RBMS3: variants seen among roughly 807,000 people sequenced by gnomAD.
RBMS3 encodes RNA-binding motif, single-stranded-interacting protein 3.
In RBMS3, 27 loss-of-function variants were observed where a neutral mutation model predicts 66.8. The observed-to-expected ratio is 0.40, with a 90% confidence interval of 0.30 to 0.56. The LOEUF (loss-of-function observed/expected upper bound fraction) is 0.56. Among genes scored for constraint, RBMS3 ranks in the 20% least tolerant of loss-of-function variants. RBMS3 has a pLI of 0.40. For missense variants in RBMS3, 513 were observed against 549.5 expected (o/e 0.93, Z 0.66); for synonymous variants, 188 against 183.0 (o/e 1.03, Z -0.22).
At chr3:30,000,684 A>G (rs1346976107) in intron 14 of RBMS3, among the ~76,000 whole-genome samples, 3 of 152,212 alleles carry the variant, frequency 2.0e-5, no homozygotes, top group Non-Finnish European at 4.4e-5. Flanking sequence ...TGTGGCATAT[A>G]TACACCATGG....
intron 3 of RBMS3, among the ~76,000 whole-genome samples, chr3:29,534,582 T>C (rs1222320218): frequency 3.1e-4 from 47 of 152,222 alleles, no homozygotes; most frequent in Admixed American, 3.1e-3. Context: ...CTTTACACCT[T>C]GAGTTAGCAT....
intron 1 of RBMS3, among the ~76,000 whole-genome samples, chr3:29,331,030 G>A (rs1017065568): frequency 1.3e-5 from 2 of 152,050 alleles, no homozygotes; most frequent in Non-Finnish European, 2.9e-5. Context: ...ATTTGTGCTG[G>A]TGCTGGGACA....
At chr3:29,957,508 G>C (rs1193759318) in intron 12 of RBMS3, among the ~76,000 whole-genome samples, 1 of 152,144 alleles carries the variant, frequency 6.6e-6, no homozygotes, top group Admixed American at 6.6e-5. Flanking sequence ...TTCTGAAGGG[G>C]ATAGGAAAGA....
chr3:29,571,860 G>A (rs2046963957), intron 3 of RBMS3, among the ~76,000 whole-genome samples: 1 of 151,994 alleles, frequency 6.6e-6, no homozygotes, highest in African/African-American at 2.4e-5. Flanking sequence ...AGATTGTTTT[G>A]GATAGTATGC....
intron 1 of RBMS3, among the ~76,000 whole-genome samples, chr3:29,368,820 G>A (rs1184334087): frequency 6.6e-6 from 1 of 152,108 alleles, no homozygotes; most frequent in Non-Finnish European, 1.5e-5. Context: ...TCCCATTACT[G>A]AGTATATACC....
At chr3:29,647,044 C>A (rs2049949533) in intron 4 of RBMS3, among the ~76,000 whole-genome samples, 1 of 152,128 alleles carries the variant, frequency 6.6e-6, no homozygotes, top group Non-Finnish European at 1.5e-5. Flanking sequence ...GTGGTGTGAT[C>A]TTGGCTCACT....
Position 29,928,215 on chromosome 3 carries a change from C to T in RBMS3, c.940-7871C>T, listed in dbSNP as rs867202728. Among the ~76,000 whole-genome samples, 358 of 128,282 alleles carry T rather than the reference C, an allele frequency of 2.8e-3. 1 individual carries two copies. The highest frequency in any genetic ancestry group is 0.012 in the South Asian group (53 of 4,244). 84.2% of individuals were successfully genotyped at this position (128,282 alleles called of 152,430 possible). ...ATATATATATATATATATATATACA[C>T]ACACACACACACACACACACATATA... On this transcript the variant is annotated intron_variant, in intron 10 of 14. Coordinates refer to ENST00000383767, the MANE Select transcript of RBMS3 (RefSeq NM_001003793.3).
intron 1 of RBMS3, among the ~76,000 whole-genome samples, chr3:29,383,086 A>T (rs990284130): frequency 2.0e-5 from 3 of 152,236 alleles, no homozygotes; most frequent in Non-Finnish European, 4.4e-5. Flanking sequence ...AGGCCCCACA[A>T]GCAGCCTCTA....
At chr3:29,639,341 C>A (rs954792083) in intron 4 of RBMS3, among the ~76,000 whole-genome samples, 20 of 151,662 alleles carry the variant, frequency 1.3e-4, no homozygotes, top group African/African-American at 4.6e-4. Flanking sequence ...AGGTCCTATC[C>A]CAGACCTACC....
chr3:29,991,620 A>T (rs1417965029), intron 14 of RBMS3: 1 of 157,242 alleles, frequency 6.4e-6, no homozygotes, highest in Non-Finnish European at 1.4e-5. Context: ...CTACTGTCTC[A>T]TTAGCCAAAG....
At chr3:29,323,151 A>G (rs2035107278) in intron 1 of RBMS3, among the ~76,000 whole-genome samples, 1 of 152,210 alleles carries the variant, frequency 6.6e-6, no homozygotes, top group Non-Finnish European at 1.5e-5. Flanking sequence ...TCCACCTTTG[A>G]AGGTGCTGCT....
intron 3 of RBMS3, among the ~76,000 whole-genome samples, chr3:29,549,059 GTTT>G (rs5847579): frequency 1.3e-4 from 11 of 85,338 alleles, no homozygotes; most frequent in African/African-American, 4.9e-4. Context: ...TCCTACTTCT[GTTT>G]TTTTTTTTTT....
chr3:29,482,367 A>C (rs1030345672), intron 2 of RBMS3, among the ~76,000 whole-genome samples: 7 of 152,280 alleles, frequency 4.6e-5, no homozygotes, highest in African/African-American at 1.7e-4. Context: ...TTGGTCTGCT[A>C]TTTTTGTGCC....
intron 12 of RBMS3, among the ~76,000 whole-genome samples, chr3:29,945,316 TC>T (rs1695231214): frequency 6.6e-6 from 1 of 151,680 alleles, no homozygotes. Flanking sequence ...GAAGGGTAAT[TC>T]TTTTTTAATT....
intron 7 of RBMS3, among the ~76,000 whole-genome samples, chr3:29,882,896 TGAAG>T (rs2059769696): frequency 6.6e-6 from 1 of 152,094 alleles, no homozygotes; most frequent in East Asian, 1.9e-4. Flanking sequence ...CTTTTTATTT[TGAAG>T]AATTTATAGA....
At chr3:29,421,069 C>T (rs967480981) in intron 1 of RBMS3, among the ~76,000 whole-genome samples, 1 of 151,502 alleles carries the variant, frequency 6.6e-6, no homozygotes, top group Non-Finnish European at 1.5e-5. Flanking sequence ...GCTAAGATCG[C>T]GCCACTGCAC....
At chr3:29,560,870 C>G (rs1032405640) in intron 3 of RBMS3, among the ~76,000 whole-genome samples, 1 of 152,130 alleles carries the variant, frequency 6.6e-6, no homozygotes, top group South Asian at 2.1e-4. Context: ...AGTTATTTTT[C>G]CTGGTTCTCT....
At chr3:29,339,649 C>T (rs949747611) in intron 1 of RBMS3, among the ~76,000 whole-genome samples, 4 of 150,998 alleles carry the variant, frequency 2.6e-5, no homozygotes, top group East Asian at 3.9e-4. Flanking sequence ...AGGGGAATAG[C>T]GGTATTAAAT....
chr3:29,336,701 G>T (rs2035974067), intron 1 of RBMS3, among the ~76,000 whole-genome samples: 1 of 152,044 alleles, frequency 6.6e-6, no homozygotes, highest in Non-Finnish European at 1.5e-5. Context: ...ATCCTAAAAA[G>T]ATATTATTAG....
Sources: gnomAD v4.1 joint callset for allele counts (sites outside exome capture counted in the v4.1 genomes callset) on GRCh38, gnomAD v4.1.1 for gene constraint, MANE v1.5 for transcripts, NCBI Gene and HGNC (gene_info 2026-07-23, HGNC 2026-07-21) for gene names.